The following MSRA variants were observed in gnomAD, a reference collection of about 807,000 sequenced individuals.
MSRA encodes the protein mitochondrial peptide methionine sulfoxide reductase.
A neutral mutation model predicts 31.3 loss-of-function variants in MSRA; 54 were observed. The ratio of observed to expected loss-of-function variants is 1.73; its 90% CI spans 1.39 to 2.17. The LOEUF (loss-of-function observed/expected upper bound fraction) is 2.17. Ranked by LOEUF, MSRA falls within the 30% of genes most tolerant of loss-of-function variation. MSRA has a pLI of 0.00. For synonymous variants in MSRA, 169 were observed against 116.5 expected, an observed-to-expected ratio of 1.45 and a Z score of -2.90; for missense variants, 507 against 300.9, an observed-to-expected ratio of 1.69 and a Z score of -5.07.
intron 3 of MSRA, among the ~76,000 whole-genome samples, chr8:10,249,757 G>A (rs908844225): frequency 6.6e-6 from 1 of 152,166 alleles, no homozygotes; most frequent in Non-Finnish European, 1.5e-5. Context: ...GTGCTGAGAA[G>A]TAATTCATGT....
At chr8:10,078,031 T>G (rs814413) in intron 1 of MSRA, among the ~76,000 whole-genome samples, 134 of 152,342 alleles carry the variant, frequency 8.8e-4, no homozygotes, top group Admixed American at 1.5e-3. Flanking sequence ...CCAATTTCTG[T>G]GAAGAGCAGT....
intron 1 of MSRA, among the ~76,000 whole-genome samples, chr8:10,195,342 A>T (rs909154629): frequency 1.3e-5 from 2 of 152,154 alleles, no homozygotes; most frequent in African/African-American, 4.8e-5. Flanking sequence ...CCGGGTTCAG[A>T]CAATTCTTCT....
intron 3 of MSRA, among the ~76,000 whole-genome samples, chr8:10,280,671 T>C (rs1799573564): frequency 6.6e-6 from 1 of 152,216 alleles, no homozygotes; most frequent in Non-Finnish European, 1.5e-5. Flanking sequence ...CTCTTAGGTA[T>C]ATACCCAAGA....
At chr8:10,109,611 G>A (rs188881344) in intron 1 of MSRA, among the ~76,000 whole-genome samples, 4 of 152,134 alleles carry the variant, frequency 2.6e-5, no homozygotes, top group African/African-American at 9.7e-5. Context: ...CAAAGTGCTG[G>A]AATTATAGGT....
chr8:10,353,654 T>G, intron 5 of MSRA: 1 of 456,288 alleles, frequency 2.2e-6, no homozygotes, highest in Non-Finnish European at 4.4e-6. Flanking sequence ...GAACACAGAC[T>G]GGGCTGCAGA....
At chr8:10,323,269 T>C (rs1251189770) in intron 5 of MSRA, among the ~76,000 whole-genome samples, 4 of 152,156 alleles carry the variant, frequency 2.6e-5, no homozygotes, top group Non-Finnish European at 4.4e-5. Flanking sequence ...CTGTATTTAA[T>C]TATAAAGGCA....
chr8:10,362,080 A>G (rs1331739229), intron 5 of MSRA, among the ~76,000 whole-genome samples: 1 of 152,118 alleles, frequency 6.6e-6, no homozygotes, highest in Non-Finnish European at 1.5e-5. Flanking sequence ...TCCCATTCCA[A>G]CTTTGCCCTC....
chr8:10,305,064 T>C lies in MSRA; in HGVS notation c.436+3426T>C, dbSNP rs189089990. 2.0e-3 allele frequency among the ~76,000 whole-genome samples: 305 copies of C among 152,368 alleles called. 1 individual carries two copies. Among genetic ancestry groups the C allele is most frequent in the Admixed American group, 7.3e-3 (111 of 15,308 alleles). ...ACAGAAATGTGACTCAAGAGAAATGTATTTTAATTAGCATGTTGAAAGATT... is the reference window on the plus strand; with the variant it reads ...ACAGAAATGTGACTCAAGAGAAATGCATTTTAATTAGCATGTTGAAAGATT... On this transcript the variant is annotated intron_variant, in intron 4 of 5. Coordinates refer to ENST00000317173, the MANE Select transcript of MSRA (RefSeq NM_012331.5).
Position 10,069,243 on chromosome 8 carries a change from CT to C in MSRA, c.142+14589del, listed in dbSNP as rs555214378. Among the ~76,000 whole-genome samples, 762 of 152,228 alleles carry C rather than the reference CT, an allele frequency of 5.0e-3. 8 individuals are homozygous for C. The highest frequency in any genetic ancestry group is 0.018 in the African/African-American group (727 of 41,540). On this transcript the variant is annotated intron_variant, in intron 1 of 5. Coordinates refer to ENST00000317173, the MANE Select transcript of MSRA (RefSeq NM_012331.5). Reference sequence around the variant, plus strand: ...ATTTCTTCCTTCCCAATCTGTACACCTTTTATTTCTTTTTCTTGTCTTACCA... The same window carrying C: ...ATTTCTTCCTTCCCAATCTGTACACCTTTATTTCTTTTTCTTGTCTTACCA...
chr8:10,243,901 T>A (rs1308696744), intron 2 of MSRA, among the ~76,000 whole-genome samples: 1 of 152,350 alleles, frequency 6.6e-6, no homozygotes, highest in East Asian at 1.9e-4. Flanking sequence ...TTATTTGGCC[T>A]TATATTTTTA....
chr8:10,096,240 C>G (rs1799149403), intron 1 of MSRA: 2 of 1,196,756 alleles, frequency 1.7e-6, no homozygotes, highest in South Asian at 4.0e-5. Flanking sequence ...ACTACATCCC[C>G]CAGCAATTAG....
At chr8:10,416,337 A>C (rs1808457283) in intron 5 of MSRA, among the ~76,000 whole-genome samples, 1 of 152,202 alleles carries the variant, frequency 6.6e-6, no homozygotes, top group African/African-American at 2.4e-5. Flanking sequence ...GCTTCGGCTG[A>C]ACTGTGCTGA....
intron 3 of MSRA, among the ~76,000 whole-genome samples, chr8:10,263,686 C>T (rs1448746748): frequency 6.6e-6 from 1 of 151,898 alleles, no homozygotes; most frequent in East Asian, 1.9e-4. Flanking sequence ...CACCTTGGGT[C>T]TTTCTGAAGG....
At chr8:10,188,543 CA>C (rs1203657773) in intron 1 of MSRA, among the ~76,000 whole-genome samples, 2 of 152,190 alleles carry the variant, frequency 1.3e-5, no homozygotes, top group African/African-American at 4.8e-5. Context: ...TGAGCACTTT[CA>C]CATTTATAGC....
intron 5 of MSRA, among the ~76,000 whole-genome samples, chr8:10,329,020 A>T (rs1217508281): frequency 6.6e-6 from 1 of 152,196 alleles, no homozygotes; most frequent in African/African-American, 2.4e-5. Flanking sequence ...CCTATCCTGC[A>T]AACTCTCTTG....
chr8:10,389,571 C>G (rs1258373786), intron 5 of MSRA, among the ~76,000 whole-genome samples: 3 of 152,156 alleles, frequency 2.0e-5, no homozygotes, highest in East Asian at 1.9e-4. Context: ...GAACCACTGA[C>G]AGGACTCCTT....
intron 1 of MSRA, among the ~76,000 whole-genome samples, chr8:10,106,339 T>G (rs992816346): frequency 3.3e-5 from 5 of 152,198 alleles, no homozygotes; most frequent in African/African-American, 9.6e-5. Context: ...AAATGTCCTC[T>G]CATTGGCTAG....
At chr8:10,188,558 G>C (rs1473202391) in intron 1 of MSRA, among the ~76,000 whole-genome samples, 1 of 152,168 alleles carries the variant, frequency 6.6e-6, no homozygotes, top group Non-Finnish European at 1.5e-5. Context: ...TTATAGCTAC[G>C]ATCCATTTAA....
chr8:10,379,336 C>G (rs933140604), intron 5 of MSRA, among the ~76,000 whole-genome samples: 2 of 152,138 alleles, frequency 1.3e-5, no homozygotes, highest in East Asian at 1.9e-4. Flanking sequence ...CAGCCCAGAA[C>G]AGATACAGAA....
Sources: gnomAD v4.1 joint callset for allele counts (sites outside exome capture counted in the v4.1 genomes callset) on GRCh38, gnomAD v4.1.1 for gene constraint, MANE v1.5 for transcripts, NCBI Gene and HGNC (gene_info 2026-07-23, HGNC 2026-07-21) for gene names.